The following NSMCE2 variants were observed in gnomAD, a reference collection of about 807,000 sequenced individuals.
The protein encoded by NSMCE2 is NSE2 SUMO ligase component of SMC5/6 complex, also known as E3 SUMO-protein ligase NSE2.
In NSMCE2, 24 loss-of-function variants were observed where a neutral mutation model predicts 23.8. The ratio of observed to expected loss-of-function variants is 1.01; its 90% CI spans 0.73 to 1.42. The LOEUF (loss-of-function observed/expected upper bound fraction) is 1.42. NSMCE2 is among the 40% of genes most tolerant of loss of function. NSMCE2 has a pLI of 0.00. For missense variants in NSMCE2, 284 were observed against 296.5 expected, an observed-to-expected ratio of 0.96 and a Z score of 0.31; for synonymous variants, 92 against 94.1, an observed-to-expected ratio of 0.98 and a Z score of 0.13.
At chr8:125,210,296 A>T (rs1254309637) in intron 5 of NSMCE2, among the ~76,000 whole-genome samples, 3 of 152,356 alleles carry the variant, frequency 2.0e-5, no homozygotes, top group Middle Eastern at 3.4e-3. Context: ...CATTATTACT[A>T]CATCATGTAG....
chr8:125,308,594 G>T (rs1469544247), intron 5 of NSMCE2, among the ~76,000 whole-genome samples: 1 of 152,228 alleles, frequency 6.6e-6, no homozygotes, highest in African/African-American at 2.4e-5. Context: ...TGGAGATCTA[G>T]AGGGGAAATA....
chr8:125,155,106 C>T (rs550416728), intron 4 of NSMCE2, among the ~76,000 whole-genome samples: 1 of 152,212 alleles, frequency 6.6e-6, no homozygotes, highest in South Asian at 2.1e-4. Flanking sequence ...TCAGGATATG[C>T]GAAGTCCAGA....
At chr8:125,139,660 GC>G in intron 3 of NSMCE2, among the ~76,000 whole-genome samples, 1 of 152,114 alleles carries the variant, frequency 6.6e-6, no homozygotes, top group Non-Finnish European at 1.5e-5. Flanking sequence ...GGAAAGACCT[GC>G]CCCCAGGATT....
At position 125,182,267 on chromosome 8, in the gene NSMCE2, A is replaced by G. The variant is rs1586576286; in HGVS notation, c.418+11A>G. ...AACTAAAGAAGCAATGTAAGTCAACATGCTTTGCTTTGGTTCGGCTTTTTG... is the reference window on the plus strand; with the variant it reads ...AACTAAAGAAGCAATGTAAGTCAACGTGCTTTGCTTTGGTTCGGCTTTTTG... On this transcript the variant is annotated intron_variant, in intron 5 of 7. Transcript: ENST00000287437. 3 of 1,593,878 alleles carry G rather than the reference A, an allele frequency of 1.9e-6. No individual in the cohort carries two copies. Among genetic ancestry groups the G allele is most frequent in the Non-Finnish European group, 2.6e-6 (3 of 1,170,692 alleles).
chr8:125,099,681 T>G (rs1276425057), intron 1 of NSMCE2, among the ~76,000 whole-genome samples: 3 of 152,064 alleles, frequency 2.0e-5, no homozygotes, highest in Non-Finnish European at 4.4e-5. Flanking sequence ...TCTTTTCAGG[T>G]GACCTTGACA....
chr8:125,184,140 A>AAGG (rs1451865881), intron 5 of NSMCE2, among the ~76,000 whole-genome samples: 1 of 152,186 alleles, frequency 6.6e-6, no homozygotes, highest in African/African-American at 2.4e-5. Context: ...TCCAATCACA[A>AAGG]TTCCTGAGTT....
At chr8:125,307,529 A>C (rs1828813566) in intron 5 of NSMCE2, among the ~76,000 whole-genome samples, 1 of 152,208 alleles carries the variant, frequency 6.6e-6, no homozygotes, top group Admixed American at 6.5e-5. Context: ...GCAAAGAACA[A>C]ATCACAGATT....
intron 3 of NSMCE2, among the ~76,000 whole-genome samples, chr8:125,133,614 A>T (rs1225814883): frequency 2.6e-5 from 4 of 151,702 alleles, no homozygotes; most frequent in Non-Finnish European, 5.9e-5. Flanking sequence ...GGTGGCTCGC[A>T]CCTGTAATCC....
intron 5 of NSMCE2, among the ~76,000 whole-genome samples, chr8:125,274,768 A>G (rs1309155319): frequency 1.3e-5 from 2 of 151,948 alleles, no homozygotes; most frequent in African/African-American, 4.8e-5. Flanking sequence ...CATCTCTACT[A>G]AAAATACAAA....
At chr8:125,221,208 A>G (rs1159685193) in intron 5 of NSMCE2, among the ~76,000 whole-genome samples, 7 of 152,220 alleles carry the variant, frequency 4.6e-5, no homozygotes, top group Admixed American at 4.6e-4. Flanking sequence ...GAGTCTCAGC[A>G]TAGCCCAGTA....
chr8:125,343,459 G>A (rs1014665421), intron 5 of NSMCE2, among the ~76,000 whole-genome samples: 1 of 152,128 alleles, frequency 6.6e-6, no homozygotes, highest in African/African-American at 2.4e-5. Context: ...AGAGACAGAA[G>A]AAAACATATT....
intron 5 of NSMCE2, among the ~76,000 whole-genome samples, chr8:125,189,806 C>T (rs1000360804): frequency 2.6e-5 from 4 of 152,132 alleles, no homozygotes; most frequent in African/African-American, 7.2e-5. Flanking sequence ...GTGTATATAA[C>T]CCTTTACAAT....
chr8:125,281,509 G>A (rs920995250), intron 5 of NSMCE2, among the ~76,000 whole-genome samples: 2 of 151,768 alleles, frequency 1.3e-5, no homozygotes, highest in Non-Finnish European at 2.9e-5. Flanking sequence ...GCACAATCTC[G>A]GCTCACTGCA....
In NSMCE2 at chr8:125,317,003, G is replaced by A. The variant is rs79692332; in HGVS notation, c.419-40216G>A. 5.7e-3 allele frequency among the ~76,000 whole-genome samples: 867 copies of A among 151,592 alleles called. 10 individuals are homozygous for A. Among genetic ancestry groups the A allele is most frequent in the African/African-American group, 0.019 (786 of 41,286 alleles). On this transcript the variant is annotated intron_variant, in intron 5 of 7. Transcript: ENST00000287437. ...GGGTTTTGCCATGTTGCCCAGACTG[G>A]TCTTGGACTTCTCATCTCAAGCAGT...
At chr8:125,316,423 C>G (rs1446558239) in intron 5 of NSMCE2, among the ~76,000 whole-genome samples, 1 of 152,204 alleles carries the variant, frequency 6.6e-6, no homozygotes, top group Non-Finnish European at 1.5e-5. Flanking sequence ...AAAGTCTATT[C>G]CAACTATGTT....
chr8:125,340,017 T>TTTG (rs1554640795), intron 5 of NSMCE2, among the ~76,000 whole-genome samples: 1 of 102,500 alleles, frequency 9.8e-6, no homozygotes, highest in Admixed American at 9.6e-5. Flanking sequence ...TTTTTGTTTT[T>TTTG]TTTTTTTTTT....
chr8:125,321,700 G>A (rs913045950), intron 5 of NSMCE2, among the ~76,000 whole-genome samples: 4 of 152,150 alleles, frequency 2.6e-5, no homozygotes, highest in Non-Finnish European at 5.9e-5. Flanking sequence ...TATGACCAAC[G>A]GGGGGTTATT....
chr8:125,151,682 G>A (rs370933285), intron 4 of NSMCE2, among the ~76,000 whole-genome samples: 10 of 152,248 alleles, frequency 6.6e-5, no homozygotes, highest in African/African-American at 2.4e-4. Flanking sequence ...CAAATTCTTA[G>A]AATCAGATAA....
At chr8:125,110,515 G>A (rs1460827672) in intron 3 of NSMCE2, among the ~76,000 whole-genome samples, 1 of 152,108 alleles carries the variant, frequency 6.6e-6, no homozygotes, top group Admixed American at 6.5e-5. Flanking sequence ...GTAATCCTGT[G>A]CAGTAGGGAC....
Sources: allele counts gnomAD v4.1 joint callset (sites outside exome capture counted in the v4.1 genomes callset), GRCh38; gene constraint gnomAD v4.1.1; transcripts MANE v1.5; gene names NCBI Gene and HGNC (gene_info 2026-07-23, HGNC 2026-07-21).